Variants in CRHR1 observed in about 807,000 individuals in gnomAD.
The protein encoded by CRHR1 is corticotropin releasing hormone receptor 1, also known as corticotropin-releasing hormone receptor 1.
In CRHR1, 28 loss-of-function variants were observed where a neutral mutation model predicts 56.0. The observed-to-expected ratio is 0.50, with a 90% confidence interval of 0.37 to 0.69. CRHR1 has a LOEUF of 0.69. CRHR1 is among the 30% of genes least tolerant of loss of function. The pLI, the probability that CRHR1 is intolerant of heterozygous loss-of-function variation, is 0.00. For missense variants in CRHR1, 376 were observed against 548.0 expected (o/e 0.69, Z 3.13); for synonymous variants, 195 against 216.5 (o/e 0.90, Z 0.87).
At position 45,834,011 on chromosome 17, in the gene CRHR1, T is replaced by C; in HGVS notation, c.1070T>C (p.Phe357Ser). Residue 357 changes from phenylalanine (F) to serine (S), a missense_variant, in exon 12 of 13, where the codon TTC becomes TCC. This residue lies in a region of CRHR1 where 369 missense variants were observed against 519.5 expected (regional missense o/e 0.71). Transcript: ENST00000314537. Reference sequence around the variant, plus strand: ...CGCCTCCTCTCTCCTCCCCAGGGCTTCTTTGTGTCTGTGTTCTACTGTTTC... The same window carrying C: ...CGCCTCCTCTCTCCTCCCCAGGGCTCCTTTGTGTCTGTGTTCTACTGTTTC... ...FNSFLESFQG[F>S]FVSVFYCFLN... is the part of the protein sequence containing the mutation. The C allele has an allele frequency of 6.2e-7, 1 of 1,613,348 alleles. No individual in the cohort carries two copies. Among genetic ancestry groups the C allele is most frequent in the Middle Eastern group, 1.7e-4 (1 of 6,060 alleles).
chr17:45,834,532 C>CGCTTACCTGCACAGCT (rs1350813974), intron 12 of CRHR1, 92 bp from the exon 13 acceptor site: 5 of 1,465,242 alleles, frequency 3.4e-6, no homozygotes, highest in Non-Finnish European at 4.6e-6. Flanking sequence ...CCTGCACAGC[C>CGCTTACCTGCACAGCT]GCTTACCTGC....
intron 1 of CRHR1, among the ~76,000 whole-genome samples, chr17:45,795,066 G>A (rs1300610027): frequency 1.3e-5 from 2 of 152,204 alleles, no homozygotes; most frequent in African/African-American, 4.8e-5. Context: ...TGGAGGAGCT[G>A]ACCCAGCAGG....
chr17:45,814,667 G>C (rs1598425430), intron 2 of CRHR1, among the ~76,000 whole-genome samples: 2 of 151,782 alleles, frequency 1.3e-5, no homozygotes, highest in Admixed American at 1.3e-4. Flanking sequence ...GCTCAACACT[G>C]TCAGCAGGAT....
intron 4 of CRHR1, 89 bp from the exon 5 acceptor site, chr17:45,829,126 G>A (rs894198858): frequency 4.0e-5 from 40 of 1,006,942 alleles, no homozygotes; most frequent in South Asian, 2.4e-4. Flanking sequence ...ATCATGACCC[G>A]CTCCATCCCA....
At position 45,784,373 on chromosome 17, in the gene CRHR1, C is replaced by A; in HGVS notation, c.-172C>A. ...AGGGGCGAGCGAGAGCCGGGCCGGG[C>A]CGGGCCGGGCCGCGGGGCCGGGAAG... On this transcript the variant is annotated 5_prime_UTR_variant, in exon 1 of 13. Coordinates refer to ENST00000314537, the MANE Select transcript of CRHR1 (RefSeq NM_004382.5). This position sits in a 1 kb window ranked among gnomAD's most constrained non-coding sequence, Gnocchi z 4.2. 2.5e-6 allele frequency: 1 copy of A among 395,436 alleles called. No individual in the cohort carries two copies. Among genetic ancestry groups the A allele is most frequent in the Non-Finnish European group, 4.2e-6 (1 of 240,730 alleles). The allele number at this position is 395,436 out of a possible 1,614,324, so 24.5% of individuals were successfully genotyped here.
At chr17:45,806,308 T>A (rs57588549) in intron 1 of CRHR1, among the ~76,000 whole-genome samples, 331 of 152,316 alleles carry the variant, frequency 2.2e-3, no homozygotes, top group African/African-American at 7.5e-3. Context: ...AGGGCAAAGG[T>A]CTGCCCTAGA....
chr17:45,833,693 T>TGGGGGGGGGGGGCGG, intron 10 of CRHR1, 21 bp from the exon 11 acceptor site: 1 of 1,571,618 alleles, frequency 6.4e-7, no homozygotes, highest in Non-Finnish European at 8.7e-7. Context: ...ACTCCGAGCC[T>TGGGGGGGGGGGGCGG]CCCCACCCGC....
Position 45,784,520 on chromosome 17 carries a change from G to C in CRHR1, c.-25G>C, listed in dbSNP as rs2061292706. 1 of 1,542,708 alleles carries C rather than the reference G, an allele frequency of 6.5e-7. No homozygotes were observed. The highest frequency in any genetic ancestry group is 8.7e-7 in the Non-Finnish European group (1 of 1,144,164). ...GATGTCCGTAGGACCCGGGCATTCAGGACGGTAGCCGAGCGAGCCCGAGGA... is the reference window on the plus strand; with the variant it reads ...GATGTCCGTAGGACCCGGGCATTCACGACGGTAGCCGAGCGAGCCCGAGGA... On this transcript the variant is annotated 5_prime_UTR_variant, in exon 1 of 13. Transcript: ENST00000314537. The surrounding 1 kb of genome is among the most constrained non-coding windows in gnomAD (Gnocchi z 4.2).
chr17:45,794,766 C>T lies in CRHR1; in HGVS notation c.33+10189C>T, dbSNP rs528025186. 2.4e-4 allele frequency among the ~76,000 whole-genome samples: 37 copies of T among 152,330 alleles called. 2 individuals are homozygous for T. The South Asian group carries it at 7.7e-3, about 32-fold the overall frequency. On this transcript the variant is annotated intron_variant, in intron 1 of 12. Transcript: ENST00000314537. ...CTTGCTCTGTGTGGGTTCCCCAAAG[C>T]TCACAGGACTTAGCCCCATGCTGTT... is the stretch of plus-strand genomic sequence containing the variant.
rs201514714 is a variant in CRHR1, at chr17:45,830,440, C to T, written c.579C>T (p.Ala193=). 439 of 1,612,236 alleles carry T rather than the reference C, an allele frequency of 2.7e-4. No individual in the cohort carries two copies. In the East Asian group the frequency reaches 3.1e-3, roughly 11 times the overall value. The change falls in exon 7 of 13, where the codon GCC becomes GCT. Residue 193 remains alanine (A), a synonymous_variant. Transcript: ENST00000314537. The part of the protein sequence containing the change: ...SNVGWCRLVT[A]AYNYFHVTNF... ...AGGGCTGGTGCAGGTTGGTGACAGC[C>T]GCCTACAACTACTTCCATGTGACCA...
At chr17:45,794,488 C>T (rs2061482642) in intron 1 of CRHR1, among the ~76,000 whole-genome samples, 1 of 152,362 alleles carries the variant, frequency 6.6e-6, no homozygotes, top group Admixed American at 6.5e-5. Flanking sequence ...GCTTCTTGCA[C>T]TTGTGTGTCT....
At chr17:45,824,196 G>T (rs1168965938) in intron 4 of CRHR1, among the ~76,000 whole-genome samples, 1 of 152,202 alleles carries the variant, frequency 6.6e-6, no homozygotes, top group Non-Finnish European at 1.5e-5. Flanking sequence ...GATGTGAGGA[G>T]CCCGTAGCCT....
chr17:45,834,821 G>T lies in CRHR1; in HGVS notation c.*57G>T. 1 of 1,606,626 alleles carries T rather than the reference G, an allele frequency of 6.2e-7. No homozygotes were observed. The highest frequency in any genetic ancestry group is 1.1e-5 in the South Asian group (1 of 90,888). ...CTGTGGCTGGGGGGATGACGGCCAG[G>T]CTCCCTGACCACCCTGCCTGTGGAG... On this transcript the variant is annotated 3_prime_UTR_variant, in exon 13 of 13. Transcript: ENST00000314537.
chr17:45,833,313 C>A, intron 9 of CRHR1, 103 bp downstream of exon 9: 1 of 1,465,654 alleles, frequency 6.8e-7, no homozygotes, highest in Non-Finnish European at 9.6e-7. Flanking sequence ...GGGGGCCACC[C>A]AAAGAGGGGG....
At chr17:45,794,665 T>A (rs2061486370) in intron 1 of CRHR1, among the ~76,000 whole-genome samples, 1 of 152,204 alleles carries the variant, frequency 6.6e-6, no homozygotes, top group South Asian at 2.1e-4. Flanking sequence ...GTCACACTCA[T>A]CAATCTGCAC....
At chr17:45,797,337 C>CTGGA (rs2061539726) in intron 1 of CRHR1, among the ~76,000 whole-genome samples, 1 of 131,592 alleles carries the variant, frequency 7.6e-6, no homozygotes, top group African/African-American at 3.1e-5. Context: ...GTCACCCAGG[C>CTGGA]TGGAGTGCAG....
intron 3 of CRHR1, among the ~76,000 whole-genome samples, chr17:45,818,431 T>C (rs4309444): frequency 0.14 from 21,839 of 152,312 alleles, 2,143 homozygotes; most frequent in Middle Eastern, 0.22. Context: ...GAAGTGGCAG[T>C]CAGGAGTCCT....
At chr17:45,803,209 G>C (rs893212232) in intron 1 of CRHR1, among the ~76,000 whole-genome samples, 1 of 152,154 alleles carries the variant, frequency 6.6e-6, no homozygotes, top group Non-Finnish European at 1.5e-5. Context: ...CAGATACTGG[G>C]AGATAATAAG....
rs2061286650 is a variant in CRHR1 at position 45,784,348 on chromosome 17, A to C, written c.-197A>C. On this transcript the variant is annotated 5_prime_UTR_variant, in exon 1 of 13. Transcript: ENST00000314537. This position sits in a 1 kb window ranked among gnomAD's most constrained non-coding sequence, Gnocchi z 4.2. ...AAACGGCGGCCAGACTTCCCCGGGA[A>C]GGGGCGAGCGAGAGCCGGGCCGGGC... 6.6e-6 allele frequency: 2 copies of C among 304,468 alleles called. No homozygotes were observed. The highest frequency in any genetic ancestry group is 1.2e-5 in the Non-Finnish European group (2 of 173,846). 18.9% of individuals were successfully genotyped at this position (304,468 alleles called of 1,614,324 possible).
Sources: allele counts gnomAD v4.1 joint callset (sites outside exome capture counted in the v4.1 genomes callset), GRCh38; gene constraint gnomAD v4.1.1; regional missense constraint gnomAD v4.1.1; non-coding constraint Gnocchi (gnomAD v3.1); transcripts MANE v1.5; gene names NCBI Gene and HGNC (gene_info 2026-07-23, HGNC 2026-07-21).